The following TESK2 variants were observed in gnomAD, a reference collection of about 807,000 sequenced individuals.
TESK2 encodes testis associated actin remodelling kinase 2.
TESK2 carries 39 observed loss-of-function variants against 57.1 expected under a neutral mutation model. That is an observed-to-expected ratio of 0.68 (90% CI 0.53 to 0.89). TESK2 has a LOEUF of 0.89. TESK2 is among the 40% of genes least tolerant of loss of function. The probability of loss-of-function intolerance (pLI) is 0.00; values close to 1 mark genes in which losing one functional copy is unlikely to be tolerated. For synonymous variants in TESK2, 249 were observed against 267.9 expected (o/e 0.93, Z 0.69); for missense variants, 646 against 732.1 (o/e 0.88, Z 1.36).
chr1:45,345,597 T>A (rs202070734), intron 10 of TESK2, 39 bp from the exon 11 acceptor site: 256 of 1,538,272 alleles, frequency 1.7e-4, no homozygotes, highest in Non-Finnish European at 2.1e-4. Context: ...TCACTAGTCA[T>A]AACAAATACA....
chr1:45,415,371 C>T, intron 3 of TESK2: 1 of 922,738 alleles, frequency 1.1e-6, no homozygotes, highest in Admixed American at 1.8e-5. Context: ...TTTATTTTAA[C>T]CACCAGACCA....
At chr1:45,466,192 A>G (rs2149302736) in intron 1 of TESK2, among the ~76,000 whole-genome samples, 2 of 152,108 alleles carry the variant, frequency 1.3e-5, no homozygotes, top group Middle Eastern at 3.4e-3. Context: ...AAATACAAAA[A>G]TTGACCAGGC....
intron 3 of TESK2, among the ~76,000 whole-genome samples, chr1:45,411,182 C>T (rs1650027209): frequency 6.6e-6 from 1 of 152,102 alleles, no homozygotes; most frequent in African/African-American, 2.4e-5. Context: ...ATTATAGAAC[C>T]TAAGACTGGT....
Position 45,466,473 on chromosome 1 carries a change from C to CA in TESK2, c.-86-8603dup, listed in dbSNP as rs539206044. Among the ~76,000 whole-genome samples the CA allele has an allele frequency of 5.2e-4, 78 of 149,824 alleles. No individual in the cohort carries two copies. In the East Asian group the frequency reaches 5.7e-3, roughly 11 times the overall value. On this transcript the variant is annotated intron_variant, in intron 1 of 10. Transcript: ENST00000372086. ...TGGGCAACAGAGCAAGACTCCGTCT[C>CA]AAAAAAAACAAAAACAAAAACAAAA...
At chr1:45,371,839 G>T (rs1648199591) in intron 4 of TESK2, among the ~76,000 whole-genome samples, 1 of 152,198 alleles carries the variant, frequency 6.6e-6, no homozygotes, top group South Asian at 2.1e-4. Flanking sequence ...TTGCACTCCA[G>T]CCTGGGTGAC....
chr1:45,349,944 C>T (rs1557538443), intron 5 of TESK2, among the ~76,000 whole-genome samples: 1 of 152,164 alleles, frequency 6.6e-6, no homozygotes, highest in Non-Finnish European at 1.5e-5. Flanking sequence ...GAGTTCGAGA[C>T]CAGCTTGGCC....
At chr1:45,460,837 C>A (rs1395290408) in intron 1 of TESK2, among the ~76,000 whole-genome samples, 1 of 152,154 alleles carries the variant, frequency 6.6e-6, no homozygotes, top group East Asian at 1.9e-4. Flanking sequence ...TTCAGTCATT[C>A]ATTTTATATT....
At chr1:45,345,699 G>A in intron 10 of TESK2, 141 bp from the exon 11 acceptor site, 1 of 952,894 alleles carries the variant, frequency 1.0e-6, no homozygotes, top group Non-Finnish European at 1.6e-6. Flanking sequence ...CTCAGAGAGG[G>A]GAAGCAGTAT....
intron 1 of TESK2, among the ~76,000 whole-genome samples, chr1:45,490,546 A>C (rs1653676429): frequency 6.6e-6 from 1 of 152,100 alleles, no homozygotes; most frequent in African/African-American, 2.4e-5. Flanking sequence ...GAAGTCTCTG[A>C]AACAAGAGTT....
At chr1:45,455,205 TC>T (rs1427455421) in intron 2 of TESK2, among the ~76,000 whole-genome samples, 3 of 152,198 alleles carry the variant, frequency 2.0e-5, no homozygotes, top group Non-Finnish European at 4.4e-5. Context: ...TCTATCCCCA[TC>T]TTTCCTATAA....
chr1:45,401,454 G>A (rs368096571), intron 3 of TESK2, among the ~76,000 whole-genome samples: 2 of 151,968 alleles, frequency 1.3e-5, no homozygotes, highest in African/African-American at 4.8e-5. Flanking sequence ...CACTGACACT[G>A]CTATTACTAC....
rs192796768 is a variant in TESK2 at position 45,465,309 on chromosome 1, G to A, written c.-86-7438C>T. 4.3e-4 allele frequency among the ~76,000 whole-genome samples: 65 copies of A among 152,156 alleles called. 3 individuals carry two copies. The highest frequency in any genetic ancestry group is 1.5e-3 in the African/African-American group (62 of 41,514). ...ACCTGTAGTCCCACCTACTCAGGAG[G>A]CTAAGGCAAGAGAATCACTTGAACC... On this transcript the variant is annotated intron_variant, in intron 1 of 10. Transcript: ENST00000372086.
chr1:45,402,128 A>C (rs1649649527), intron 3 of TESK2, among the ~76,000 whole-genome samples: 1 of 151,490 alleles, frequency 6.6e-6, no homozygotes, highest in African/African-American at 2.4e-5. Context: ...AGTGACTCAC[A>C]CCTGTAATCC....
At chr1:45,477,071 A>AAAAAAAAAT (rs60734754) in intron 1 of TESK2, among the ~76,000 whole-genome samples, 12 of 148,200 alleles carry the variant, frequency 8.1e-5, no homozygotes, top group South Asian at 2.1e-4. Context: ...AAAAAAAAAA[A>AAAAAAAAAT]TACAAAAATT....
chr1:45,466,978 A>G (rs1290431189), intron 1 of TESK2, among the ~76,000 whole-genome samples: 1 of 152,114 alleles, frequency 6.6e-6, no homozygotes, highest in Non-Finnish European at 1.5e-5. Flanking sequence ...TATTAAAGAT[A>G]TTACATATTT....
intron 2 of TESK2, among the ~76,000 whole-genome samples, chr1:45,445,196 T>C (rs1651599535): frequency 6.6e-6 from 1 of 152,084 alleles, no homozygotes; most frequent in African/African-American, 2.4e-5. Flanking sequence ...CAACCCACTA[T>C]GATCTCAACC....
intron 3 of TESK2, among the ~76,000 whole-genome samples, chr1:45,414,074 T>G (rs1267900045): frequency 6.6e-6 from 1 of 152,186 alleles, no homozygotes; most frequent in African/African-American, 2.4e-5. Flanking sequence ...CACAGGGAAG[T>G]ATAATAAATG....
At chr1:45,412,602 T>C (rs1251730996) in intron 3 of TESK2, among the ~76,000 whole-genome samples, 2 of 152,220 alleles carry the variant, frequency 1.3e-5, no homozygotes, top group East Asian at 3.8e-4. Context: ...AGGGAGGGAC[T>C]GAGTAGTTCC....
At chr1:45,378,892 C>T (rs886954280) in intron 4 of TESK2, among the ~76,000 whole-genome samples, 1 of 152,158 alleles carries the variant, frequency 6.6e-6, no homozygotes, top group East Asian at 1.9e-4. Context: ...AAACCTGAAT[C>T]ACAGATGCAA....
Sources: allele counts gnomAD v4.1 joint callset (sites outside exome capture counted in the v4.1 genomes callset), GRCh38; gene constraint gnomAD v4.1.1; transcripts MANE v1.5; gene names NCBI Gene and HGNC (gene_info 2026-07-23, HGNC 2026-07-21).